Variants in BEND7 observed in about 807,000 individuals in gnomAD.
The protein encoded by BEND7 is BEN domain-containing protein 7.
A neutral mutation model predicts 50.9 loss-of-function variants in BEND7; 28 were observed. The ratio of observed to expected loss-of-function variants is 0.55; its 90% CI spans 0.41 to 0.75. BEND7 has a LOEUF of 0.75. BEND7 is among the 30% of genes least tolerant of loss of function. The pLI is 0.00. For synonymous variants in BEND7, 170 were observed against 183.9 expected (o/e 0.92, Z 0.61); for missense variants, 477 against 491.3 (o/e 0.97, Z 0.28).
intron 2 of BEND7, among the ~76,000 whole-genome samples, chr10:13,524,834 C>G (rs573126673): frequency 6.6e-6 from 1 of 152,200 alleles, no homozygotes; most frequent in East Asian, 1.9e-4. Flanking sequence ...TTTCCCTCAG[C>G]AGAAAGATCT....
intron 5 of BEND7, among the ~76,000 whole-genome samples, chr10:13,486,381 C>G (rs1189331490): frequency 6.6e-6 from 1 of 152,186 alleles, no homozygotes. Flanking sequence ...AGGGTAGCCA[C>G]AAGAGCATGT....
At chr10:13,442,257 G>C (rs1307958130) in intron 8 of BEND7, 3 of 153,152 alleles carry the variant, frequency 2.0e-5, no homozygotes, top group African/African-American at 7.2e-5. Context: ...CAAATCCAGG[G>C]CTAGGGGAAG....
At chr10:13,494,840 T>G (rs769629118) in intron 4 of BEND7, among the ~76,000 whole-genome samples, 1 of 152,258 alleles carries the variant, frequency 6.6e-6, no homozygotes, top group Non-Finnish European at 1.5e-5. Flanking sequence ...GGTGAAACTT[T>G]CTAAATGTAA....
At chr10:13,509,262 G>C (rs1378441301) in intron 2 of BEND7, among the ~76,000 whole-genome samples, 1 of 152,180 alleles carries the variant, frequency 6.6e-6, no homozygotes, top group Non-Finnish European at 1.5e-5. Flanking sequence ...AAAACTGAAT[G>C]CAAGTACTGT....
Position 13,469,950 on chromosome 10 carries a change from T to C in BEND7, c.1063+10949A>G, listed in dbSNP as rs532416434. On this transcript the variant is annotated intron_variant, in intron 6 of 8. Transcript: ENST00000466271. ...TACCTTGCAGGAGATAGTCAATACG[T>C]GTTATGGAACTGAATTGGAACACTT... Among the ~76,000 whole-genome samples, 6 of 152,318 alleles carry C rather than the reference T, an allele frequency of 3.9e-5. No homozygotes were observed. The East Asian group carries it at 7.7e-4, about 20-fold the overall frequency.
At chr10:13,499,413 T>C (rs2077274720) in intron 3 of BEND7, among the ~76,000 whole-genome samples, 2 of 151,428 alleles carry the variant, frequency 1.3e-5, no homozygotes, top group South Asian at 4.2e-4. Flanking sequence ...TAACACACCA[T>C]AGGACCAGGA....
intron 5 of BEND7, among the ~76,000 whole-genome samples, chr10:13,491,756 T>G (rs1554774915): frequency 6.6e-6 from 1 of 152,184 alleles, no homozygotes; most frequent in Non-Finnish European, 1.5e-5. Flanking sequence ...AAAAGCAATT[T>G]GTTTCCTACT....
intron 6 of BEND7, among the ~76,000 whole-genome samples, chr10:13,464,523 ACTCCATTAC>A (rs2074033707): frequency 6.6e-6 from 1 of 152,044 alleles, no homozygotes; most frequent in African/African-American, 2.4e-5. Context: ...ATACACACCA[ACTCCATTAC>A]TCTGGGGCGG....
chr10:13,455,754 G>T (rs1375604606), intron 6 of BEND7, among the ~76,000 whole-genome samples: 1 of 152,184 alleles, frequency 6.6e-6, no homozygotes, highest in Non-Finnish European at 1.5e-5. Flanking sequence ...GAAGATGGTC[G>T]ATTCAGAAGT....
At chr10:13,478,364 T>A (rs996975167) in intron 6 of BEND7, among the ~76,000 whole-genome samples, 1 of 152,198 alleles carries the variant, frequency 6.6e-6, no homozygotes, top group African/African-American at 2.4e-5. Flanking sequence ...CAATTTGAAA[T>A]AACCTGCATA....
chr10:13,508,085 A>T (rs2078023069), intron 2 of BEND7, among the ~76,000 whole-genome samples: 1 of 152,222 alleles, frequency 6.6e-6, no homozygotes, highest in Non-Finnish European at 1.5e-5. Flanking sequence ...CTCTCTGCAC[A>T]ACCTCCACAA....
intron 7 of BEND7, among the ~76,000 whole-genome samples, chr10:13,451,194 T>A (rs1174509807): frequency 2.6e-5 from 4 of 151,606 alleles, no homozygotes; most frequent in African/African-American, 7.3e-5. Flanking sequence ...CTCCACCTTT[T>A]TTTTTTTTTT....
chr10:13,472,130 C>T (rs972672923), intron 6 of BEND7, among the ~76,000 whole-genome samples: 2 of 152,054 alleles, frequency 1.3e-5, no homozygotes, highest in Non-Finnish European at 2.9e-5. Context: ...GGGTTGATAC[C>T]CATCATCGCT....
chr10:13,451,972 C>G (rs918027095), intron 7 of BEND7, among the ~76,000 whole-genome samples: 1 of 152,130 alleles, frequency 6.6e-6, no homozygotes, highest in African/African-American at 2.4e-5. Flanking sequence ...GTGACCAAAT[C>G]TGAACAGTCA....
At chr10:13,513,398 C>T (rs2078426885) in intron 2 of BEND7, among the ~76,000 whole-genome samples, 1 of 152,150 alleles carries the variant, frequency 6.6e-6, no homozygotes, top group Non-Finnish European at 1.5e-5. Flanking sequence ...AATTGCTTAC[C>T]AGATAGCCTC....
chr10:13,459,473 G>A (rs1839764123), intron 6 of BEND7: 1 of 152,210 alleles, frequency 6.6e-6, no homozygotes, highest in African/African-American at 2.4e-5. Flanking sequence ...TTGTAGGCTT[G>A]ATATCCATCT....
At chr10:13,441,084 C>T (rs550238671), downstream of BEND7, 58 of 985,080 alleles carry the variant, frequency 5.9e-5, no homozygotes, top group East Asian at 4.3e-3. Flanking sequence ...GATCCGCACG[C>T]ACGTTCAATT....
rs187174163 is a variant in BEND7, at chr10:13,454,720, T to G, written c.1064-2062A>C. On this transcript the variant is annotated intron_variant, in intron 6 of 8. Transcript: ENST00000466271. ...TTTATTGCTGCATTGAATTTTTTTT[T>G]TCCTGAATATTTTCAATCTGCAGCT... 5.9e-5 allele frequency among the ~76,000 whole-genome samples: 9 copies of G among 152,366 alleles called. No individual in the cohort carries two copies. In the East Asian group the frequency reaches 1.7e-3, roughly 29 times the overall value.
In BEND7 at chr10:13,492,858, T is replaced by C. The variant is rs1423450513; in HGVS notation, c.590A>G (p.Gln197Arg). 3 of 1,600,022 alleles carry C rather than the reference T, an allele frequency of 1.9e-6. No homozygotes were observed. Among genetic ancestry groups the C allele is most frequent in the Non-Finnish European group, 2.5e-6 (3 of 1,176,942 alleles). Residue 197 changes from glutamine to arginine, a missense_variant, in exon 5 of 9, where the codon CAA (glutamine) becomes CGA (arginine). Physicochemically the swap from Gln to Arg is conservative, Grantham distance 43 (BLOSUM62 1). Transcript: ENST00000466271. The stretch of plus-strand genomic sequence containing the variant: ...GCATATAAGGGAAATTGGAGGTTGT[T>C]GTCTGTTTTGAGTTCCAACTGCGAA... ...QIQAVGTQNR[Q>R]QPPISLICSQ...
Sources: gnomAD v4.1 joint callset for allele counts (sites outside exome capture counted in the v4.1 genomes callset) on GRCh38, gnomAD v4.1.1 for gene constraint, MANE v1.5 for transcripts, NCBI Gene and HGNC (gene_info 2026-07-23, HGNC 2026-07-21) for gene names.